The following KHDRBS2 variants were observed in gnomAD, a reference collection of about 807,000 sequenced individuals.
The protein encoded by KHDRBS2 is KH RNA binding domain containing, signal transduction associated 2.
In KHDRBS2, 26 loss-of-function variants were observed where a neutral mutation model predicts 44.3. The observed-to-expected ratio is 0.59, with a 90% CI of 0.43 to 0.81. The LOEUF (loss-of-function observed/expected upper bound fraction) is 0.81, where lower values mean the gene tolerates loss of function less well. Ranked by LOEUF, KHDRBS2 falls within the 40% of genes least tolerant of loss-of-function variation. The pLI is 0.00. For synonymous variants in KHDRBS2, 194 were observed against 151.1 expected, an observed-to-expected ratio of 1.28 and a Z score of -2.08; for missense variants, 476 against 433.1, an observed-to-expected ratio of 1.10 and a Z score of -0.88.
rs1784140618 is a variant in KHDRBS2, at chr6:62,030,439, G to C, written c.336+17439C>G. 3.9e-5 allele frequency among the ~76,000 whole-genome samples: 6 copies of C among 152,014 alleles called. No individual in the cohort carries two copies. The South Asian group carries it at 1.2e-3, about 31-fold the overall frequency. The stretch of plus-strand genomic sequence containing the variant: ...AAAACTGTCTAAATTGATGCAGATG[G>C]CTTCATTTTTCTAATAAATCTAGTC... On this transcript the variant is annotated intron_variant, in intron 3 of 8. Coordinates refer to ENST00000281156, the MANE Select transcript of KHDRBS2 (RefSeq NM_152688.4).
rs1254852589 is a variant in KHDRBS2, at chr6:61,945,098, A to ATATAT, written c.483+32967_483+32968insATATA. On this transcript the variant is annotated intron_variant, in intron 4 of 8. Transcript: ENST00000281156. ...AGAGTGAGACTCTGTCTTAAAAAAA[A>ATATAT]AAAAAAAAAAAAAAGTATATATATA... Among the ~76,000 whole-genome samples, 38 of 45,812 alleles carry ATATAT rather than the reference A, an allele frequency of 8.3e-4. 2 individuals are homozygous for ATATAT. Among genetic ancestry groups the ATATAT allele is most frequent in the Admixed American group, 2.6e-3 (9 of 3,466 alleles). The allele number at this position is 45,812 out of a possible 152,430, so 30.1% of individuals were successfully genotyped here.
chr6:61,914,499 G>A (rs1260651814), intron 4 of KHDRBS2, among the ~76,000 whole-genome samples: 1 of 150,082 alleles, frequency 6.7e-6, no homozygotes, highest in Non-Finnish European at 1.5e-5. Context: ...TCACACACCG[G>A]GGTCTGTTGT....
intron 7 of KHDRBS2, among the ~76,000 whole-genome samples, chr6:61,702,217 C>G (rs1394800530): frequency 6.6e-6 from 1 of 151,890 alleles, no homozygotes; most frequent in Non-Finnish European, 1.5e-5. Context: ...CTTTGAGTGT[C>G]TATGTGCAGA....
chr6:61,853,521 C>T (rs1213448164), intron 6 of KHDRBS2, among the ~76,000 whole-genome samples: 1 of 152,130 alleles, frequency 6.6e-6, no homozygotes, highest in Non-Finnish European at 1.5e-5. Flanking sequence ...AACCTTGCAT[C>T]CTGCTGACAT....
chr6:62,042,988 A>G (rs1220778093), intron 3 of KHDRBS2, among the ~76,000 whole-genome samples: 1 of 152,052 alleles, frequency 6.6e-6, no homozygotes, highest in Non-Finnish European at 1.5e-5. Context: ...TTACAACATA[A>G]TTTGTTCACA....
intron 3 of KHDRBS2, among the ~76,000 whole-genome samples, chr6:62,004,172 A>G (rs1320103192): frequency 6.6e-6 from 1 of 152,208 alleles, no homozygotes; most frequent in Non-Finnish European, 1.5e-5. Flanking sequence ...ACTGAAGGAA[A>G]TAGAGACACG....
At position 62,286,168 on chromosome 6, in the gene KHDRBS2, G is replaced by A; in HGVS notation, c.-220C>T. 1.8e-6 allele frequency: 1 copy of A among 547,546 alleles called. No homozygotes were observed. Among genetic ancestry groups the A allele is most frequent in the Non-Finnish European group, 3.2e-6 (1 of 313,900 alleles). The allele number at this position is 547,546 out of a possible 1,614,324, so 33.9% of individuals were successfully genotyped here. A position where few individuals can be genotyped will look rare whatever the true frequency, so the allele number is the denominator to read the frequency against. On this transcript the variant is annotated 5_prime_UTR_variant, in exon 1 of 9. Transcript: ENST00000281156. The stretch of plus-strand genomic sequence containing the variant: ...CTGCCCGTCCCTTCCGTCGTCCCTC[G>A]CTCGCGCAGAGCCCCGGCTCACACC...
chr6:61,733,848 C>T (rs1284881442), intron 6 of KHDRBS2, among the ~76,000 whole-genome samples: 1 of 151,586 alleles, frequency 6.6e-6, no homozygotes, highest in African/African-American at 2.4e-5. Flanking sequence ...TCGATTATTC[C>T]CTACTTCTGG....
At chr6:61,656,384 C>G in the KHDRBS2 span, among the ~76,000 whole-genome samples, 16 of 151,868 alleles carry the variant, frequency 1.1e-4, no homozygotes, top group Middle Eastern at 3.2e-3. Context: ...GATAAGAAGA[C>G]AAAAGGACAG....
intron 7 of KHDRBS2, among the ~76,000 whole-genome samples, chr6:61,722,795 C>T (rs6919877): frequency 0.028 from 4,243 of 151,788 alleles, 209 homozygotes; most frequent in African/African-American, 0.098. Flanking sequence ...CTCTAAGCTC[C>T]GCCTCCCGGG....
chr6:61,735,093 C>T (rs1361694228), intron 6 of KHDRBS2, among the ~76,000 whole-genome samples: 5 of 152,076 alleles, frequency 3.3e-5, no homozygotes, highest in South Asian at 4.1e-4. Context: ...TTGATTCTTT[C>T]TTGTTTAGCT....
intron 2 of KHDRBS2, among the ~76,000 whole-genome samples, chr6:62,144,541 T>A: frequency 6.6e-6 from 1 of 151,864 alleles, no homozygotes; most frequent in East Asian, 1.9e-4. Context: ...AAATTTGGAG[T>A]TCACGTGAAA....
intron 1 of KHDRBS2, among the ~76,000 whole-genome samples, chr6:62,237,059 T>G (rs1416699453): frequency 6.6e-6 from 1 of 152,224 alleles, no homozygotes; most frequent in African/African-American, 2.4e-5. Flanking sequence ...TATGATGGCT[T>G]ACTTCCTCAC....
At chr6:62,145,900 G>T (rs938256805) in intron 2 of KHDRBS2, among the ~76,000 whole-genome samples, 6 of 151,686 alleles carry the variant, frequency 4.0e-5, no homozygotes, top group African/African-American at 1.5e-4. Flanking sequence ...ATATGTGTAA[G>T]GTATATATGA....
intron 6 of KHDRBS2, among the ~76,000 whole-genome samples, chr6:61,843,724 G>A (rs533072036): frequency 6.6e-6 from 1 of 152,008 alleles, no homozygotes; most frequent in South Asian, 2.1e-4. Flanking sequence ...TAATTGTTAG[G>A]CCTTTATTTT....
chr6:61,949,064 G>A (rs1562498147), intron 4 of KHDRBS2, among the ~76,000 whole-genome samples: 2 of 152,034 alleles, frequency 1.3e-5, no homozygotes, highest in Non-Finnish European at 2.9e-5. Flanking sequence ...TCCTCCAAAA[G>A]ATCGTTCTCA....
At chr6:61,859,764 T>C (rs1227973984) in intron 6 of KHDRBS2, among the ~76,000 whole-genome samples, 1 of 151,992 alleles carries the variant, frequency 6.6e-6, no homozygotes, top group Non-Finnish European at 1.5e-5. Context: ...TATGTATATT[T>C]AACATATGTA....
In KHDRBS2 at chr6:61,782,728, TATATATATATAC is replaced by T. The variant is rs1297773677; in HGVS notation, c.811-49976_811-49965del. Among the ~76,000 whole-genome samples, 27 of 86,710 alleles carry T rather than the reference TATATATATATAC, an allele frequency of 3.1e-4. No individual in the cohort carries two copies. The East Asian group carries it at 4.0e-3, about 13-fold the overall frequency. The allele number at this position is 86,710 out of a possible 152,430, so 56.9% of individuals were successfully genotyped here. ...ATATATATATATATATATATATATA[TATATATATATAC>T]ACACACACATATACATATACATATA... is the stretch of plus-strand genomic sequence containing the variant. On this transcript the variant is annotated intron_variant, in intron 6 of 8. Transcript: ENST00000281156.
At chr6:61,967,927 C>T (rs2127397393) in intron 4 of KHDRBS2, among the ~76,000 whole-genome samples, 1 of 111,324 alleles carries the variant, frequency 9.0e-6, no homozygotes, top group East Asian at 2.5e-4. Context: ...CATGCATACA[C>T]ACACGTATAT....
Sources: allele counts gnomAD v4.1 joint callset (sites outside exome capture counted in the v4.1 genomes callset), GRCh38; gene constraint gnomAD v4.1.1; transcripts MANE v1.5; gene names NCBI Gene and HGNC (gene_info 2026-07-23, HGNC 2026-07-21).